ARHGAP32: variants seen among roughly 807,000 people sequenced by gnomAD.
ARHGAP32 encodes the protein Rho GTPase activating protein 32.
Under a neutral mutation model 186.5 loss-of-function variants are expected in ARHGAP32, and 51 were observed. The observed-to-expected ratio is 0.27, with a 90% CI of 0.22 to 0.35. The LOEUF (loss-of-function observed/expected upper bound fraction) is 0.35, where lower values mean the gene tolerates loss of function less well. Ranked by LOEUF, ARHGAP32 falls within the 10% of genes least tolerant of loss-of-function variation. The probability of loss-of-function intolerance (pLI) is 1.00; values close to 1 mark genes in which losing one functional copy is unlikely to be tolerated. For missense variants in ARHGAP32, 2,186 were observed against 2,623.5 expected (o/e 0.83, Z 3.64); for synonymous variants, 950 against 964.3 (o/e 0.99, Z 0.27).
chr11:129,140,501 T>C (rs1943028411), intron 2 of ARHGAP32, among the ~76,000 whole-genome samples: 1 of 152,180 alleles, frequency 6.6e-6, no homozygotes, highest in Non-Finnish European at 1.5e-5. Context: ...AATTTCTGAG[T>C]GCTCTCAGAT....
intron 2 of ARHGAP32, among the ~76,000 whole-genome samples, chr11:129,158,981 C>A (rs927543922): frequency 6.6e-6 from 1 of 152,082 alleles, no homozygotes; most frequent in Non-Finnish European, 1.5e-5. Context: ...GCAATTAAGG[C>A]AGAAATAAAT....
rs567513949 is a variant in ARHGAP32, at chr11:128,984,262, C to G, written c.1526+1741G>C. Among the ~76,000 whole-genome samples the G allele has an allele frequency of 3.9e-5, 6 of 151,954 alleles. No homozygotes were observed. In the East Asian group the frequency reaches 1.2e-3, roughly 29 times the overall value. ...TGGTGGTGTGTGCCAGTGGTCTCAG[C>G]TACTTGGGGGGCTGAGGTGGGAGAA... On this transcript the variant is annotated intron_variant, in intron 15 of 22. Transcript: ENST00000682385.
At chr11:128,980,412 T>C (rs554416072) in intron 18 of ARHGAP32, 141 bp downstream of exon 18, 6 of 579,656 alleles carry the variant, frequency 1.0e-5, no homozygotes, top group African/African-American at 7.6e-5. Flanking sequence ...ATCATCCATA[T>C]TCGAATAAAC....
At position 129,123,028 on chromosome 11, in the gene ARHGAP32, G is replaced by T. The variant is rs539263586; in HGVS notation, c.444+418C>A. On this transcript the variant is annotated intron_variant, in intron 5 of 22. Coordinates refer to ENST00000682385, the MANE Select transcript of ARHGAP32 (RefSeq NM_001378024.1). The surrounding 1 kb of genome is among the most constrained non-coding windows in gnomAD (Gnocchi z 4.6). ...TAGATTCAATAATTTGTATGTGAAT[G>T]AAAAGGCAGTAACAGTAAAAACATT... Among the ~76,000 whole-genome samples the T allele has an allele frequency of 6.6e-6, 1 of 152,192 alleles. No individual in the cohort carries two copies. The highest frequency in any genetic ancestry group is 2.4e-5 in the African/African-American group (1 of 41,538).
At chr11:128,979,668 T>C (rs1445469766) in intron 18 of ARHGAP32, among the ~76,000 whole-genome samples, 4 of 152,152 alleles carry the variant, frequency 2.6e-5, no homozygotes, top group Non-Finnish European at 5.9e-5. Context: ...GCTGATAGAA[T>C]GTTTTTAGTC....
intron 6 of ARHGAP32, among the ~76,000 whole-genome samples, chr11:129,080,816 G>C (rs1043820099): frequency 1.3e-5 from 2 of 151,780 alleles, no homozygotes; most frequent in Admixed American, 1.3e-4. Flanking sequence ...AAAAGAAAAA[G>C]CTGGTTCTTT....
intron 1 of ARHGAP32, among the ~76,000 whole-genome samples, chr11:129,173,364 A>C (rs1943815601): frequency 1.3e-5 from 2 of 152,096 alleles, no homozygotes; most frequent in South Asian, 4.2e-4. Flanking sequence ...GACCAGACGG[A>C]TTCACAGCCA....
intron 1 of ARHGAP32, among the ~76,000 whole-genome samples, chr11:129,185,607 T>TA (rs1254121125): frequency 2.6e-5 from 4 of 151,702 alleles, no homozygotes; most frequent in Admixed American, 6.6e-5. Flanking sequence ...ATAATAATAA[T>TA]AAAAAAATGA....
At chr11:128,998,539 CAT>C (rs1946262847) in intron 11 of ARHGAP32, 71 bp from the exon 12 acceptor site, 2 of 1,236,366 alleles carry the variant, frequency 1.6e-6, no homozygotes, top group South Asian at 2.2e-5. Flanking sequence ...TAAAAACAAA[CAT>C]ATCTCAAGAG....
At chr11:129,032,349 G>C (rs1939151743) in intron 11 of ARHGAP32, among the ~76,000 whole-genome samples, 1 of 152,176 alleles carries the variant, frequency 6.6e-6, no homozygotes, top group Admixed American at 6.5e-5. Context: ...CTGCCCCTGA[G>C]CTTTGAATCC....
intron 11 of ARHGAP32, among the ~76,000 whole-genome samples, chr11:129,001,626 A>G (rs1418925554): frequency 1.3e-5 from 2 of 152,068 alleles, no homozygotes; most frequent in Non-Finnish European, 2.9e-5. Flanking sequence ...ATGTGATCCC[A>G]CTGTCCATTT....
chr11:129,213,702 A>AATT (rs1944610435), intron 1 of ARHGAP32, among the ~76,000 whole-genome samples: 1 of 152,188 alleles, frequency 6.6e-6, no homozygotes, highest in Non-Finnish European at 1.5e-5. Flanking sequence ...CATTTTTAAT[A>AATT]GTGCAACATT....
chr11:129,172,475 A>C (rs939005475), intron 1 of ARHGAP32, among the ~76,000 whole-genome samples: 1 of 152,126 alleles, frequency 6.6e-6, no homozygotes, highest in Non-Finnish European at 1.5e-5. Flanking sequence ...CTCTACCCCA[A>C]ATCAACAGAA....
At chr11:129,081,201 A>G (rs1001066626) in intron 6 of ARHGAP32, among the ~76,000 whole-genome samples, 2 of 152,106 alleles carry the variant, frequency 1.3e-5, no homozygotes, top group Non-Finnish European at 2.9e-5. Flanking sequence ...AACTGGTACC[A>G]ATCCTAATTC....
At chr11:129,149,333 T>C (rs916687516) in intron 2 of ARHGAP32, among the ~76,000 whole-genome samples, 2 of 152,156 alleles carry the variant, frequency 1.3e-5, no homozygotes, top group African/African-American at 4.8e-5. Context: ...TAACCAGCAT[T>C]CGAGAAAGCC....
intron 6 of ARHGAP32, among the ~76,000 whole-genome samples, chr11:129,081,500 C>A (rs1941217827): frequency 6.6e-6 from 1 of 151,606 alleles, no homozygotes; most frequent in African/African-American, 2.4e-5. Context: ...AACATAAAAA[C>A]AAAAGTCACA....
rs1055529086 is a variant in ARHGAP32, at chr11:129,229,018, C to T, written c.-5+50128G>A. 8.6e-5 allele frequency among the ~76,000 whole-genome samples: 13 copies of T among 152,000 alleles called. No individual in the cohort carries two copies. The South Asian group carries it at 1.2e-3, about 15-fold the overall frequency. On this transcript the variant is annotated intron_variant, in intron 1 of 6. Transcript: ENST00000525234. ...AGTTATTACATCACTTACCCTAGGA[C>T]GCAGAACAAGGGGAAAAAAGTTAAA...
At chr11:128,991,304 T>A (rs868457082) in intron 12 of ARHGAP32, among the ~76,000 whole-genome samples, 1 of 152,134 alleles carries the variant, frequency 6.6e-6, no homozygotes, top group Non-Finnish European at 1.5e-5. Flanking sequence ...AAAAATCACA[T>A]AATGAGCTTA....
At chr11:129,052,187 C>G (rs1940079025) in intron 10 of ARHGAP32, among the ~76,000 whole-genome samples, 1 of 152,132 alleles carries the variant, frequency 6.6e-6, no homozygotes, top group African/African-American at 2.4e-5. Flanking sequence ...GACTTTTGAA[C>G]TTTGCTGAAA....
Sources: gnomAD v4.1 joint callset for allele counts (sites outside exome capture counted in the v4.1 genomes callset) on GRCh38, gnomAD v4.1.1 for gene constraint, Gnocchi (gnomAD v3.1) non-coding constraint, MANE v1.5 for transcripts, NCBI Gene and HGNC (gene_info 2026-07-23, HGNC 2026-07-21) for gene names.